The following PPIL2 variants were observed in gnomAD, a reference collection of about 807,000 sequenced individuals.
PPIL2 encodes RING-type E3 ubiquitin-protein ligase PPIL2.
Under a neutral mutation model 75.2 loss-of-function variants are expected in PPIL2, and 50 were observed. The observed-to-expected ratio is 0.66, with a 90% CI of 0.53 to 0.84. The LOEUF is 0.84. Ranked by LOEUF, PPIL2 falls within the 40% of genes least tolerant of loss-of-function variation. PPIL2 has a pLI of 0.00. For synonymous variants in PPIL2, 245 were observed against 258.8 expected, an observed-to-expected ratio of 0.95 and a Z score of 0.51; for missense variants, 590 against 685.0, an observed-to-expected ratio of 0.86 and a Z score of 1.55.
chr22:21,666,182 G>T (rs772306581), intron 1 of PPIL2, 51 bp downstream of exon 1: 2 of 1,570,624 alleles, frequency 1.3e-6, no homozygotes, highest in Non-Finnish European at 1.7e-6. Context: ...TCAGTGAACC[G>T]CCTGTCCCGC....
chr22:21,679,175 T>G (rs1396879617), intron 6 of PPIL2, among the ~76,000 whole-genome samples: 1 of 152,030 alleles, frequency 6.6e-6, no homozygotes, highest in African/African-American at 2.4e-5. Flanking sequence ...GGATTACAGG[T>G]GTGAGCCACC....
intron 4 of PPIL2, among the ~76,000 whole-genome samples, chr22:21,671,587 T>TA (rs397951463): frequency 6.6e-6 from 1 of 151,980 alleles, no homozygotes; most frequent in African/African-American, 2.4e-5. Context: ...CTTTTTTTTT[T>TA]ATTTGAGACA....
At chr22:21,684,717 G>T (rs1014291353) in intron 9 of PPIL2, 36 bp from the exon 10 acceptor site, 4 of 1,608,094 alleles carry the variant, frequency 2.5e-6, no homozygotes, top group Non-Finnish European at 3.4e-6. Context: ...GGCTACTGGG[G>T]GCTCGGCGGC....
Position 21,697,078 on chromosome 22 carries a change from C to T in PPIL2, c.*1588C>T, listed in dbSNP as rs1004987468. 13 of 1,321,212 alleles carry T rather than the reference C, an allele frequency of 9.8e-6. No individual in the cohort carries two copies. In the African/African-American group the frequency reaches 1.0e-4, roughly 10 times the overall value. 81.8% of individuals were successfully genotyped at this position (1,321,212 alleles called of 1,614,324 possible). On this transcript the variant is annotated 3_prime_UTR_variant, in exon 20 of 20. Transcript: ENST00000398831. ...CCCTGGGCTCTAGAGTGACTTTTGA[C>T]GCCCTCCATCCCTCCCGCCAGGCAC...
Position 21,695,684 on chromosome 22 carries a change from C to T in PPIL2, c.*194C>T, listed in dbSNP as rs2067897006. 7.2e-7 allele frequency: 1 copy of T among 1,392,344 alleles called. No homozygotes were observed. Among genetic ancestry groups the T allele is most frequent in the Non-Finnish European group, 9.3e-7 (1 of 1,073,238 alleles). The allele number at this position is 1,392,344 out of a possible 1,614,324, so 86.2% of individuals were successfully genotyped here. On this transcript the variant is annotated 3_prime_UTR_variant, in exon 20 of 20. Transcript: ENST00000398831. ...CTTAACCTGTTGCCAAGGGCCTTGGCCCTGTTTCCAGGACCTGGCCCAGCC... is the reference window on the plus strand; with the variant it reads ...CTTAACCTGTTGCCAAGGGCCTTGGTCCTGTTTCCAGGACCTGGCCCAGCC...
Position 21,696,707 on chromosome 22 carries a change from G to A in PPIL2, c.*1217G>A, listed in dbSNP as rs1170647066. 6.5e-7 allele frequency: 1 copy of A among 1,536,032 alleles called. No homozygotes were observed. Among genetic ancestry groups the A allele is most frequent in the East Asian group, 2.4e-5 (1 of 41,050 alleles). Reference sequence around the variant, plus strand: ...AGCCCTAACTTAGGCCTTGTTCTTGGTTTTCTCATTTTTGTTGCCCCAAAT... The same window carrying A: ...AGCCCTAACTTAGGCCTTGTTCTTGATTTTCTCATTTTTGTTGCCCCAAAT... On this transcript the variant is annotated 3_prime_UTR_variant, in exon 20 of 20. Coordinates refer to ENST00000398831, the MANE Select transcript of PPIL2 (RefSeq NM_014337.4).
At chr22:21,669,539 C>T (rs2066543970) in intron 1 of PPIL2, 1 of 349,570 alleles carries the variant, frequency 2.9e-6, no homozygotes, top group Non-Finnish European at 5.7e-6. Context: ...CTCACTCTGT[C>T]ACCCAGGCTG....
chr22:21,684,454 C>CAAAAAAAAAAAAAA (rs1028354500), intron 9 of PPIL2, among the ~76,000 whole-genome samples: 1 of 47,536 alleles, frequency 2.1e-5, no homozygotes, highest in Non-Finnish European at 3.7e-5. Flanking sequence ...TCCATCTCCA[C>CAAAAAAAAAAAAAA]AAAAAAAAAA....
intron 15 of PPIL2, among the ~76,000 whole-genome samples, chr22:21,692,651 T>C (rs991382093): frequency 2.6e-5 from 4 of 151,240 alleles, no homozygotes; most frequent in Non-Finnish European, 2.9e-5. Flanking sequence ...GTTGGCCAGG[T>C]GCAGTGGCTC....
In PPIL2 at chr22:21,694,763, C is replaced by T; in HGVS notation, c.1278C>T (p.Ile426=). Residue 426 remains isoleucine, a synonymous_variant, in exon 18 of 20, where the codon ATC becomes ATT. Coordinates refer to ENST00000398831, the MANE Select transcript of PPIL2 (RefSeq NM_014337.4). ...GCCCCCTTTGCTGCTAGGAGGAGATCCGCATTGATGCCACTACAGTGTTCG... is the reference window on the plus strand; with the variant it reads ...GCCCCCTTTGCTGCTAGGAGGAGATTCGCATTGATGCCACTACAGTGTTCG... ...DPKTDRPKEE[I]RIDATTVFVD... is the part of the protein sequence containing the mutation. The T allele has an allele frequency of 6.2e-7, 1 of 1,609,878 alleles. No individual in the cohort carries two copies. Among genetic ancestry groups the T allele is most frequent in the Non-Finnish European group, 8.5e-7 (1 of 1,177,330 alleles).
chr22:21,670,031 G>A, intron 2 of PPIL2, 69 bp downstream of exon 2: 1 of 1,468,352 alleles, frequency 6.8e-7, no homozygotes, highest in South Asian at 1.1e-5. Context: ...TCAGGATACA[G>A]TGAGCTGTAA....
chr22:21,685,588 A>G (rs2067323307), intron 10 of PPIL2: 1 of 438,896 alleles, frequency 2.3e-6, no homozygotes, highest in Admixed American at 2.6e-5. Context: ...CGTCTAACAC[A>G]CTGCCCTTAG....
chr22:21,695,988 T>TA lies in PPIL2; in HGVS notation c.*499dup. 1 of 516,684 alleles carries TA rather than the reference T, an allele frequency of 1.9e-6. No homozygotes were observed. Among genetic ancestry groups the TA allele is most frequent in the South Asian group, 6.7e-5 (1 of 14,872 alleles). The allele number at this position is 516,684 out of a possible 1,614,324, so 32.0% of individuals were successfully genotyped here. On this transcript the variant is annotated 3_prime_UTR_variant, in exon 20 of 20. Coordinates refer to ENST00000398831, the MANE Select transcript of PPIL2 (RefSeq NM_014337.4). ...AGCCGTGCACCACTACATCCAGCTG[T>TA]ATATGTCTGGTTTTCTTACCCCTAC...
chr22:21,693,060 T>C (rs1190213480), intron 15 of PPIL2, among the ~76,000 whole-genome samples: 1 of 152,130 alleles, frequency 6.6e-6, no homozygotes, highest in East Asian at 1.9e-4. Context: ...TTTTTTCTTT[T>C]TCTTTTTTCT....
At position 21,695,471 on chromosome 22, in the gene PPIL2, G is replaced by C; in HGVS notation, c.1544G>C (p.Gly515Ala). Residue 515 changes from glycine (G) to alanine (A), a missense_variant, in exon 20 of 20, where the codon GGG becomes GCG. Coordinates refer to ENST00000398831, the MANE Select transcript of PPIL2 (RefSeq NM_014337.4). ...AAGAAGAAGCCCAGTCGGGGTTTTG[G>C]GGACTTCAGCTCCTGGTAGCAGCAG... The part of the protein sequence containing the change: ...MSKKKPSRGF[G>A]DFSSW 1 of 1,602,840 alleles carries C rather than the reference G, an allele frequency of 6.2e-7. No homozygotes were observed. Among genetic ancestry groups the C allele is most frequent in the Non-Finnish European group, 8.5e-7 (1 of 1,174,410 alleles).
intron 1 of PPIL2, among the ~76,000 whole-genome samples, chr22:21,667,638 G>A (rs1372264608): frequency 6.6e-6 from 1 of 151,612 alleles, no homozygotes; most frequent in Non-Finnish European, 1.5e-5. Context: ...GATCTCATAC[G>A]TTTCTTTTCC....
chr22:21,666,985 G>A (rs199885035), intron 1 of PPIL2, among the ~76,000 whole-genome samples: 1 of 20,034 alleles, frequency 5.0e-5, no homozygotes, highest in African/African-American at 2.0e-4. Context: ...AGAACTGTTG[G>A]GCTTCTCAAC....
intron 12 of PPIL2, 85 bp from the exon 13 acceptor site, chr22:21,687,550 CAAAAAAAA>C: frequency 9.9e-6 from 3 of 304,092 alleles, no homozygotes; most frequent in East Asian, 9.1e-5. Context: ...GACTCCACCT[CAAAAAAAA>C]AAAAAAAAAA....
intron 1 of PPIL2, 40 bp downstream of exon 1, chr22:21,666,171 C>A: frequency 6.3e-7 from 1 of 1,586,108 alleles, no homozygotes; most frequent in Non-Finnish European, 8.6e-7. Context: ...TCCACTCTGC[C>A]TCAGTGAACC....
Sources: gnomAD v4.1 joint callset for allele counts (sites outside exome capture counted in the v4.1 genomes callset) on GRCh38, gnomAD v4.1.1 for gene constraint, MANE v1.5 for transcripts, NCBI Gene and HGNC (gene_info 2026-07-23, HGNC 2026-07-21) for gene names.